Variants in MBOAT1 observed in about 807,000 individuals in gnomAD.
MBOAT1 encodes membrane bound glycerophospholipid O-acyltransferase 1.
MBOAT1 carries 67 observed loss-of-function variants against 64.4 expected under a neutral mutation model. The ratio of observed to expected loss-of-function variants is 1.04; its 90% CI spans 0.85 to 1.27. The LOEUF is 1.27. Ranked by LOEUF, MBOAT1 falls within the 50% of genes most tolerant of loss-of-function variation. The pLI, the probability that MBOAT1 is intolerant of heterozygous loss-of-function variation, is 0.00. For missense variants in MBOAT1, 563 were observed against 604.6 expected (o/e 0.93, Z 0.72); for synonymous variants, 229 against 218.9 (o/e 1.05, Z -0.41).
intron 1 of MBOAT1, among the ~76,000 whole-genome samples, chr6:20,163,163 C>T (rs78726050): frequency 0.041 from 6,218 of 152,188 alleles, 151 homozygotes; most frequent in African/African-American, 0.063. Context: ...GTGATATCTA[C>T]GTATTTCAGC....
intron 1 of MBOAT1, among the ~76,000 whole-genome samples, chr6:20,205,867 G>A (rs755349260): frequency 5.9e-5 from 9 of 152,104 alleles, no homozygotes; most frequent in Non-Finnish European, 1.2e-4. Context: ...TCAGTCACTG[G>A]ACACCACCTC....
intron 1 of MBOAT1, among the ~76,000 whole-genome samples, chr6:20,175,935 T>G (rs1211254702): frequency 2.0e-5 from 3 of 152,166 alleles, no homozygotes; most frequent in African/African-American, 4.8e-5. Flanking sequence ...ATATATATAC[T>G]TTTCTCTTCA....
chr6:20,156,270 CA>C (rs371464826), intron 1 of MBOAT1, among the ~76,000 whole-genome samples: 7,367 of 100,846 alleles, frequency 0.073, 408 homozygotes, highest in African/African-American at 0.19. Context: ...GACTCCCTCT[CA>C]AAAAAAAAAA....
chr6:20,170,136 A>G (rs1361509951), intron 1 of MBOAT1, among the ~76,000 whole-genome samples: 3 of 152,128 alleles, frequency 2.0e-5, no homozygotes, highest in African/African-American at 4.8e-5. Flanking sequence ...CCCCCCTGCA[A>G]TGATGATGCC....
At chr6:20,189,965 G>A (rs777719875) in intron 1 of MBOAT1, among the ~76,000 whole-genome samples, 2 of 151,742 alleles carry the variant, frequency 1.3e-5, no homozygotes, top group Non-Finnish European at 2.9e-5. Flanking sequence ...CCTGGCTATT[G>A]TGAAAGCTCT....
chr6:20,142,287 T>C (rs1761201158), intron 4 of MBOAT1, among the ~76,000 whole-genome samples: 1 of 152,206 alleles, frequency 6.6e-6, no homozygotes, highest in Non-Finnish European at 1.5e-5. Flanking sequence ...CTTCTAAGTA[T>C]AGCAGGGCTC....
At chr6:20,153,683 GAC>G (rs1250073969) in intron 1 of MBOAT1, among the ~76,000 whole-genome samples, 1 of 152,126 alleles carries the variant, frequency 6.6e-6, no homozygotes, top group African/African-American at 2.4e-5. Flanking sequence ...TACAAATAGT[GAC>G]ACAGCCCTGC....
chr6:20,185,488 G>A (rs952263496), intron 1 of MBOAT1, among the ~76,000 whole-genome samples: 3 of 152,142 alleles, frequency 2.0e-5, no homozygotes, highest in Non-Finnish European at 4.4e-5. Context: ...TGACCTCCCT[G>A]GAAGAAAAGG....
intron 11 of MBOAT1, among the ~76,000 whole-genome samples, chr6:20,110,953 T>C (rs1233621053): frequency 1.3e-5 from 2 of 152,228 alleles, no homozygotes; most frequent in African/African-American, 2.4e-5. Context: ...CTATTACTAC[T>C]AATACAAGCA....
At position 20,112,925 on chromosome 6, in the gene MBOAT1, T is replaced by A; in HGVS notation, c.1160A>T (p.Tyr387Phe). The change falls in exon 11 of 13, where the codon TAC becomes TTC. Residue 387 changes from tyrosine to phenylalanine, a missense_variant. Tyr to Phe is a conservative substitution (Grantham distance 22). Coordinates refer to ENST00000324607, the MANE Select transcript of MBOAT1 (RefSeq NM_001080480.3). The part of the protein sequence containing the change: ...SALWHGVYPG[Y>F]YFTFLTGILV... ...AATTCCAGTTAAGAAGGTAAAATAG[T>A]ATCCAGGGTAGACACCATGCCACAA... is the stretch of plus-strand genomic sequence containing the variant. 1 of 1,614,036 alleles carries A rather than the reference T, an allele frequency of 6.2e-7. No homozygotes were observed. Among genetic ancestry groups the A allele is most frequent in the Non-Finnish European group, 8.5e-7 (1 of 1,179,978 alleles).
At chr6:20,170,125 C>T (rs764492937) in intron 1 of MBOAT1, among the ~76,000 whole-genome samples, 27 of 152,122 alleles carry the variant, frequency 1.8e-4, no homozygotes, top group Non-Finnish European at 3.4e-4. Flanking sequence ...CCCCTGTTAT[C>T]CCCCCCTGCA....
chr6:20,164,620 G>T (rs1355157657), intron 1 of MBOAT1, among the ~76,000 whole-genome samples: 2 of 119,806 alleles, frequency 1.7e-5, no homozygotes, highest in Non-Finnish European at 3.4e-5. Flanking sequence ...GTGGGAGGTT[G>T]GGGGATAAGG....
chr6:20,118,502 C>A lies in MBOAT1; in HGVS notation c.946G>T (p.Gly316Ter), dbSNP rs199705606. 15 of 1,613,888 alleles carry A rather than the reference C, an allele frequency of 9.3e-6. No homozygotes were observed. Among genetic ancestry groups the A allele is most frequent in the Middle Eastern group, 3.3e-4 (2 of 6,084 alleles). Reference sequence around the variant, plus strand: ...CAGAAATTCCCATTCTTATCCACTCCGCTGAACCCAAAGCCAGCTGCGTTA... The same window carrying A: ...CAGAAATTCCCATTCTTATCCACTCAGCTGAACCCAAAGCCAGCTGCGTTA... ...VNNAAGFGFS[G>*]VDKNGNFCWD... The change falls in exon 9 of 13, where the codon GGA (glycine) becomes TGA (stop). Residue 316 changes from glycine (G) to a stop codon, truncating the protein, a stop_gained. Coordinates refer to ENST00000324607, the MANE Select transcript of MBOAT1 (RefSeq NM_001080480.3). LOFTEE classifies it high-confidence loss of function.
At chr6:20,198,742 C>T (rs1350591952) in intron 1 of MBOAT1, among the ~76,000 whole-genome samples, 1 of 152,178 alleles carries the variant, frequency 6.6e-6, no homozygotes, top group Non-Finnish European at 1.5e-5. Context: ...GGTTTTTCAG[C>T]TCTCATAAAA....
chr6:20,136,085 G>C (rs1760983017), intron 4 of MBOAT1, among the ~76,000 whole-genome samples: 1 of 152,156 alleles, frequency 6.6e-6, no homozygotes, highest in Non-Finnish European at 1.5e-5. Context: ...TACAGCTTCA[G>C]TGGAATGCTC....
Position 20,154,475 on chromosome 6 carries a change from G to C in MBOAT1, c.100-1706C>G, listed in dbSNP as rs190739994. 3.2e-4 allele frequency among the ~76,000 whole-genome samples: 49 copies of C among 152,264 alleles called. 1 individual carries two copies. The East Asian group carries it at 8.7e-3, about 27-fold the overall frequency. On this transcript the variant is annotated intron_variant, in intron 1 of 12. Transcript: ENST00000324607. Reference sequence around the variant, plus strand: ...TTGAACTCGGGAGGCAGAGGTTGCAGTGAGCTGAGATCGCACCACTGCACT... The same window carrying C: ...TTGAACTCGGGAGGCAGAGGTTGCACTGAGCTGAGATCGCACCACTGCACT...
At chr6:20,185,151 G>A (rs1169214944) in intron 1 of MBOAT1, among the ~76,000 whole-genome samples, 1 of 152,076 alleles carries the variant, frequency 6.6e-6, no homozygotes, top group East Asian at 1.9e-4. Flanking sequence ...TCAGGAGGGT[G>A]AGGTGGGAGG....
intron 1 of MBOAT1, among the ~76,000 whole-genome samples, chr6:20,182,994 C>T (rs980538127): frequency 6.6e-6 from 1 of 152,160 alleles, no homozygotes; most frequent in South Asian, 2.1e-4. Context: ...ATTGGCAGTA[C>T]ATGCGTAAAA....
At chr6:20,183,768 TCTGTTTTCACA>T in intron 1 of MBOAT1, among the ~76,000 whole-genome samples, 1 of 152,356 alleles carries the variant, frequency 6.6e-6, no homozygotes, top group South Asian at 2.1e-4. Flanking sequence ...TTTGTATTAG[TCTGTTTTCACA>T]CTGCTGATAA....
Sources: allele counts gnomAD v4.1 joint callset (sites outside exome capture counted in the v4.1 genomes callset), GRCh38; gene constraint gnomAD v4.1.1; transcripts MANE v1.5; gene names NCBI Gene and HGNC (gene_info 2026-07-23, HGNC 2026-07-21).